The following SPAG16 variants were observed in gnomAD, a reference collection of about 807,000 sequenced individuals.
SPAG16 encodes sperm associated antigen 16.
SPAG16 carries 86 observed loss-of-function variants against 80.4 expected under a neutral mutation model. The observed-to-expected ratio is 1.07, with a 90% CI of 0.90 to 1.28. The LOEUF (loss-of-function observed/expected upper bound fraction) is 1.28. SPAG16 is among the 50% of genes most tolerant of loss of function. The probability of loss-of-function intolerance (pLI) is 0.00; values close to 1 mark genes in which losing one functional copy is unlikely to be tolerated. For missense variants in SPAG16, 870 were observed against 765.3 expected (o/e 1.14, Z -1.61); for synonymous variants, 294 against 265.9 (o/e 1.11, Z -1.03).
chr2:214,085,759 C>T (rs2051699447), intron 13 of SPAG16, among the ~76,000 whole-genome samples: 1 of 152,182 alleles, frequency 6.6e-6, no homozygotes, highest in Non-Finnish European at 1.5e-5. Context: ...CTGTCTACCA[C>T]ACTGAAGGTC....
intron 11 of SPAG16, among the ~76,000 whole-genome samples, chr2:213,873,856 T>C (rs1238863665): frequency 6.6e-6 from 1 of 152,078 alleles, no homozygotes; most frequent in African/African-American, 2.4e-5. Flanking sequence ...TATGCAAACA[T>C]TGGAGCGTGT....
intron 5 of SPAG16, among the ~76,000 whole-genome samples, chr2:213,336,054 G>T (rs941063114): frequency 6.6e-6 from 1 of 152,126 alleles, no homozygotes; most frequent in African/African-American, 2.4e-5. Flanking sequence ...GGAGAGCAAA[G>T]AAGAGCATCG....
chr2:213,828,377 T>A (rs981901750), intron 10 of SPAG16, among the ~76,000 whole-genome samples: 2 of 152,204 alleles, frequency 1.3e-5, no homozygotes, highest in Non-Finnish European at 2.9e-5. Context: ...TTTTTCTTTA[T>A]TATTTCAATT....
At chr2:213,917,340 A>T (rs1436621328) in intron 11 of SPAG16, among the ~76,000 whole-genome samples, 1 of 152,210 alleles carries the variant, frequency 6.6e-6, no homozygotes, top group African/African-American at 2.4e-5. Context: ...TAGAAATAGC[A>T]TTGAATCTAT....
At chr2:214,217,113 G>A (rs548467756) in intron 15 of SPAG16, among the ~76,000 whole-genome samples, 1 of 152,246 alleles carries the variant, frequency 6.6e-6, no homozygotes, top group African/African-American at 2.4e-5. Context: ...TTTAATAAAA[G>A]TGTTACAAAA....
chr2:213,860,215 T>G (rs570484513), intron 10 of SPAG16, among the ~76,000 whole-genome samples: 2 of 152,030 alleles, frequency 1.3e-5, no homozygotes, highest in Admixed American at 1.3e-4. Context: ...CAAAACCAGG[T>G]ATTTATTAAT....
chr2:214,222,284 T>G (rs2058597749), intron 15 of SPAG16, among the ~76,000 whole-genome samples: 1 of 151,964 alleles, frequency 6.6e-6, no homozygotes, highest in Non-Finnish European at 1.5e-5. Flanking sequence ...GCCTGGCTAA[T>G]TTGTGTATTT....
At chr2:213,522,943 A>T (rs2075736407) in intron 10 of SPAG16, among the ~76,000 whole-genome samples, 1 of 151,794 alleles carries the variant, frequency 6.6e-6, no homozygotes, top group Non-Finnish European at 1.5e-5. Flanking sequence ...AATTATGGAG[A>T]GGCAGAGGCA....
intron 13 of SPAG16, among the ~76,000 whole-genome samples, chr2:214,028,276 T>C (rs984213895): frequency 2.0e-5 from 3 of 152,052 alleles, no homozygotes; most frequent in East Asian, 1.9e-4. Flanking sequence ...ATTGTACTTC[T>C]TAGATAGGCT....
chr2:213,286,679 A>G (rs1049922918), intron 1 of SPAG16, among the ~76,000 whole-genome samples: 1 of 152,212 alleles, frequency 6.6e-6, no homozygotes, highest in African/African-American at 2.4e-5. Flanking sequence ...ATCACTTCTA[A>G]TCTACTGCAT....
At chr2:214,279,533 A>G (rs1175687149) in intron 15 of SPAG16, among the ~76,000 whole-genome samples, 2 of 152,206 alleles carry the variant, frequency 1.3e-5, no homozygotes, top group Non-Finnish European at 2.9e-5. Flanking sequence ...AGGTAAGGAA[A>G]TGAAAATGAG....
chr2:213,850,565 C>A (rs182718782), intron 10 of SPAG16, among the ~76,000 whole-genome samples: 1 of 152,062 alleles, frequency 6.6e-6, no homozygotes, highest in African/African-American at 2.4e-5. Flanking sequence ...TTTCTTCTTT[C>A]GAGTACAGGG....
intron 10 of SPAG16, among the ~76,000 whole-genome samples, chr2:213,789,814 C>A (rs1022277693): frequency 1.3e-5 from 2 of 151,864 alleles, no homozygotes; most frequent in African/African-American, 4.8e-5. Flanking sequence ...AATATACTCA[C>A]CTATTTTTGC....
intron 9 of SPAG16, among the ~76,000 whole-genome samples, chr2:213,441,027 T>C (rs1041950951): frequency 1.3e-5 from 2 of 152,230 alleles, no homozygotes; most frequent in African/African-American, 4.8e-5. Context: ...AATTTTCATG[T>C]ATTATAGGTG....
At chr2:214,268,896 T>A (rs1362584378) in intron 15 of SPAG16, among the ~76,000 whole-genome samples, 2 of 151,988 alleles carry the variant, frequency 1.3e-5, no homozygotes, top group Non-Finnish European at 2.9e-5. Flanking sequence ...TCGGCAGTAA[T>A]TTTTTGAAAG....
chr2:213,525,896 T>C (rs2075870704), intron 10 of SPAG16, among the ~76,000 whole-genome samples: 1 of 152,110 alleles, frequency 6.6e-6, no homozygotes, highest in South Asian at 2.1e-4. Context: ...ATTTTATAAT[T>C]ATCTAGGTTG....
intron 10 of SPAG16, among the ~76,000 whole-genome samples, chr2:213,706,655 C>A (rs945833986): frequency 6.6e-6 from 1 of 152,150 alleles, no homozygotes; most frequent in Non-Finnish European, 1.5e-5. Flanking sequence ...TATTTAAAAA[C>A]CTTTGGTAGA....
At chr2:214,337,399 A>C (rs1697376596) in intron 15 of SPAG16, among the ~76,000 whole-genome samples, 1 of 152,198 alleles carries the variant, frequency 6.6e-6, no homozygotes, top group African/African-American at 2.4e-5. Context: ...GAAGATCTCC[A>C]CAAGCATGTT....
chr2:213,831,517 C>T (rs570365985), intron 10 of SPAG16, among the ~76,000 whole-genome samples: 3 of 151,568 alleles, frequency 2.0e-5, no homozygotes, highest in South Asian at 2.1e-4. Flanking sequence ...TCATGGTTGT[C>T]GTTGTTGTGT....
Sources: allele counts gnomAD v4.1 joint callset (sites outside exome capture counted in the v4.1 genomes callset), GRCh38; gene constraint gnomAD v4.1.1; transcripts MANE v1.5; gene names NCBI Gene and HGNC (gene_info 2026-07-23, HGNC 2026-07-21).